Variants in FSTL4 observed in about 807,000 individuals in gnomAD.
FSTL4 encodes the protein follistatin-related protein 4.
Under a neutral mutation model 78.2 loss-of-function variants are expected in FSTL4, and 28 were observed. The ratio of observed to expected loss-of-function variants is 0.36; its 90% CI spans 0.27 to 0.49. FSTL4 has a LOEUF of 0.49. FSTL4 is among the 20% of genes least tolerant of loss of function. The pLI, the probability that FSTL4 is intolerant of heterozygous loss-of-function variation, is 0.98. For synonymous variants in FSTL4, 422 were observed against 440.5 expected (o/e 0.96, Z 0.53); for missense variants, 922 against 1,084.9 (o/e 0.85, Z 2.11).
intron 4 of FSTL4, among the ~76,000 whole-genome samples, chr5:133,389,471 ACT>A (rs2126959758): frequency 6.6e-6 from 1 of 152,036 alleles, no homozygotes; most frequent in South Asian, 2.1e-4. Flanking sequence ...AAGCAAGCTC[ACT>A]CTCTGCGGAA....
At chr5:133,689,945 C>T in the FSTL4 span, among the ~76,000 whole-genome samples, 4 of 152,104 alleles carry the variant, frequency 2.6e-5, no homozygotes, top group African/African-American at 7.3e-5. Context: ...CCTGTAATCC[C>T]AGCCACTCCG....
At chr5:133,839,095 A>G in the FSTL4 span, among the ~76,000 whole-genome samples, 2 of 152,318 alleles carry the variant, frequency 1.3e-5, no homozygotes, top group East Asian at 3.9e-4. Context: ...ACTGTGTTCT[A>G]ATGGAGATAC....
At chr5:133,528,688 C>T (rs1331046069) in intron 3 of FSTL4, among the ~76,000 whole-genome samples, 2 of 152,234 alleles carry the variant, frequency 1.3e-5, no homozygotes, top group East Asian at 3.8e-4. Flanking sequence ...CAGGCCAAGG[C>T]CACTGTTCCC....
In FSTL4 at chr5:133,225,924, G is replaced by A. The variant is rs573264406; in HGVS notation, c.1016-105C>T. 3.0e-5 allele frequency: 23 copies of A among 764,140 alleles called. No individual in the cohort carries two copies. Among genetic ancestry groups the A allele is most frequent in the Non-Finnish European group, 4.2e-5 (21 of 499,732 alleles). 47.3% of individuals were successfully genotyped at this position (764,140 alleles called of 1,614,324 possible). A position where few individuals can be genotyped will look rare whatever the true frequency, so the allele number is the denominator to read the frequency against. ...CTCCAGAGGGGGTGAACCCAAGTAG[G>A]TGACTGGAGTTCTGTGTTTAACCAA... is the stretch of plus-strand genomic sequence containing the variant. On this transcript the variant is annotated intron_variant, in intron 8 of 15. Transcript: ENST00000265342. The surrounding 1 kb of genome is among the most constrained non-coding windows in gnomAD (Gnocchi z 4.6).
the FSTL4 span, among the ~76,000 whole-genome samples, chr5:133,642,661 C>T: frequency 6.6e-6 from 1 of 152,152 alleles, no homozygotes; most frequent in East Asian, 1.9e-4. Flanking sequence ...CCAGCCTGTC[C>T]CCAACCTAGG....
the FSTL4 span, among the ~76,000 whole-genome samples, chr5:133,814,493 T>A: frequency 6.6e-6 from 1 of 152,092 alleles, no homozygotes; most frequent in Admixed American, 6.5e-5. Flanking sequence ...TAGGTCACAC[T>A]GGAAATAAGA....
chr5:133,456,492 G>T (rs552458728), intron 3 of FSTL4, among the ~76,000 whole-genome samples: 321 of 152,282 alleles, frequency 2.1e-3, no homozygotes, highest in Middle Eastern at 0.01. Flanking sequence ...TTAGGGAGGG[G>T]GAAAACCAGC....
the FSTL4 span, among the ~76,000 whole-genome samples, chr5:133,662,736 T>C: frequency 6.6e-6 from 1 of 152,138 alleles, no homozygotes; most frequent in Non-Finnish European, 1.5e-5. Context: ...CTGTGCTTAC[T>C]GTGAACGCTC....
intron 3 of FSTL4, among the ~76,000 whole-genome samples, chr5:133,541,809 A>G (rs928235053): frequency 3.6e-4 from 55 of 151,850 alleles, no homozygotes; most frequent in African/African-American, 1.3e-3. Context: ...CCATTTCCCC[A>G]CTTCTCAAGG....
At chr5:133,294,581 C>A (rs1406119761) in intron 6 of FSTL4, among the ~76,000 whole-genome samples, 4 of 152,168 alleles carry the variant, frequency 2.6e-5, no homozygotes, top group Non-Finnish European at 5.9e-5. Flanking sequence ...GTGTAAGTGC[C>A]AGGTGATTTA....
chr5:133,663,669 T>A, the FSTL4 span, among the ~76,000 whole-genome samples: 1 of 152,238 alleles, frequency 6.6e-6, no homozygotes, highest in African/African-American at 2.4e-5. Context: ...CAAAAGGGGA[T>A]CTTTCCAGTG....
the FSTL4 span, among the ~76,000 whole-genome samples, chr5:133,667,191 CCTCT>C: frequency 6.6e-6 from 1 of 151,866 alleles, no homozygotes; most frequent in Non-Finnish European, 1.5e-5. Context: ...TTGATTCTGC[CCTCT>C]CTCTCATAAT....
At chr5:133,620,511 A>G in the FSTL4 span, among the ~76,000 whole-genome samples, 183 of 152,294 alleles carry the variant, frequency 1.2e-3, no homozygotes, top group Middle Eastern at 0.014. Context: ...TAGACTTAAC[A>G]TTTTTTGCTC....
In FSTL4 at chr5:133,298,398, C is replaced by T. The variant is rs186062714; in HGVS notation, c.727+14256G>A. On this transcript the variant is annotated intron_variant, in intron 6 of 15. Transcript: ENST00000265342. ...CCAACACTCCATCGTGGGTGGGCTT[C>T]CCCACTGTGGGCCCTGGACTAGTTT... Among the ~76,000 whole-genome samples the T allele has an allele frequency of 9.3e-4, 142 of 152,324 alleles. 1 individual carries two copies. The highest frequency in any genetic ancestry group is 3.4e-3 in the Middle Eastern group (1 of 294).
intron 8 of FSTL4, among the ~76,000 whole-genome samples, chr5:133,226,876 G>A (rs796850793): frequency 9.8e-5 from 14 of 143,164 alleles, no homozygotes; most frequent in East Asian, 8.3e-4. Context: ...GCAATGGTGT[G>A]GATCCCGGGA....
At chr5:133,324,653 C>T (rs1244779204) in intron 4 of FSTL4, among the ~76,000 whole-genome samples, 2 of 152,354 alleles carry the variant, frequency 1.3e-5, no homozygotes, top group South Asian at 2.1e-4. Flanking sequence ...CAGGTGTACC[C>T]CCAGCACCTG....
the FSTL4 span, among the ~76,000 whole-genome samples, chr5:133,735,217 C>A: frequency 5.3e-5 from 8 of 152,190 alleles, no homozygotes; most frequent in African/African-American, 1.7e-4. Context: ...GTAATCCCAA[C>A]ACTTTGGGAG....
intron 3 of FSTL4, among the ~76,000 whole-genome samples, chr5:133,466,460 T>C (rs930757170): frequency 4.6e-5 from 7 of 151,480 alleles, no homozygotes; most frequent in Non-Finnish European, 8.8e-5. Context: ...GAGAATGGCG[T>C]GAACCCAGGA....
At chr5:133,825,987 T>C in the FSTL4 span, among the ~76,000 whole-genome samples, 1 of 152,326 alleles carries the variant, frequency 6.6e-6, no homozygotes, top group African/African-American at 2.4e-5. Flanking sequence ...AGAAGGGGTG[T>C]GCCACTTCAG....
Sources: gnomAD v4.1 joint callset for allele counts (sites outside exome capture counted in the v4.1 genomes callset) on GRCh38, gnomAD v4.1.1 for gene constraint, Gnocchi (gnomAD v3.1) non-coding constraint, MANE v1.5 for transcripts, NCBI Gene and HGNC (gene_info 2026-07-23, HGNC 2026-07-21) for gene names.